ADCY9: variants seen among roughly 807,000 people sequenced by gnomAD.
ADCY9 encodes the protein adenylate cyclase 9.
In ADCY9, 50 loss-of-function variants were observed where a neutral mutation model predicts 101.5. The observed-to-expected ratio is 0.49, with a 90% CI of 0.39 to 0.62. The LOEUF (loss-of-function observed/expected upper bound fraction) is 0.62. ADCY9 is among the 20% of genes least tolerant of loss of function. The pLI is 0.00. For missense variants in ADCY9, 1,662 were observed against 1,800.4 expected (o/e 0.92, Z 1.39); for synonymous variants, 905 against 769.3 (o/e 1.18, Z -2.92).
chr16:4,014,047 G>A (rs1487464506), intron 2 of ADCY9, among the ~76,000 whole-genome samples: 2 of 152,130 alleles, frequency 1.3e-5, no homozygotes, highest in Non-Finnish European at 2.9e-5. Flanking sequence ...GGTCAGGCGC[G>A]GTAGCTCACT....
In ADCY9 at chr16:4,035,752, A is replaced by C. The variant is rs187156162; in HGVS notation, c.1694-28194T>G. Among the ~76,000 whole-genome samples the C allele has an allele frequency of 1.3e-3, 191 of 152,122 alleles. 1 individual carries two copies. Among genetic ancestry groups the C allele is most frequent in the Admixed American group, 4.5e-3 (68 of 15,270 alleles). On this transcript the variant is annotated intron_variant, in intron 2 of 10. Transcript: ENST00000294016. The stretch of plus-strand genomic sequence containing the variant: ...GGTGGCTCACACCTGGAATCCCAGC[A>C]CTTTGGGATGCCGAGGCAGGCGGAT...
intron 2 of ADCY9, among the ~76,000 whole-genome samples, chr16:4,029,744 C>G (rs920866772): frequency 6.6e-6 from 1 of 151,942 alleles, no homozygotes; most frequent in Non-Finnish European, 1.5e-5. Context: ...GACTCTGTCT[C>G]AAGACAATAC....
In ADCY9 at chr16:4,087,543, T is replaced by TAA. The variant is rs55706713; in HGVS notation, c.1693+26205_1693+26206dup. Among the ~76,000 whole-genome samples the TAA allele has an allele frequency of 6.9e-3, 816 of 118,122 alleles. 6 individuals are homozygous for TAA. The highest frequency in any genetic ancestry group is 0.015 in the East Asian group (61 of 4,198). 77.5% of individuals were successfully genotyped at this position (118,122 alleles called of 152,430 possible). ...AGAGCGAGATTCCATCTCAAAAAGA[T>TAA]AAAAAAAAAAAAAAAAAAAAGAAGA... On this transcript the variant is annotated intron_variant, in intron 2 of 10. Coordinates refer to ENST00000294016, the MANE Select transcript of ADCY9 (RefSeq NM_001116.4).
chr16:4,005,054 A>G (rs954369440), intron 3 of ADCY9, among the ~76,000 whole-genome samples: 1 of 152,176 alleles, frequency 6.6e-6, no homozygotes, highest in African/African-American at 2.4e-5. Context: ...CAGCTTGAAA[A>G]AAAACAATTG....
rs1334785327 is a variant in ADCY9, at chr16:4,114,544, A to T, written c.899T>A (p.Val300Asp). Residue 300 changes from valine to aspartate, a missense_variant, in exon 2 of 11, where the codon GTC becomes GAC. By Grantham distance (152) the Val-to-Asp change is radical. Coordinates refer to ENST00000294016, the MANE Select transcript of ADCY9 (RefSeq NM_001116.4). The surrounding 1 kb of genome is among the most constrained non-coding windows in gnomAD (Gnocchi z 4.3). Reference protein sequence around the residue: ...CIHAIGVHLFVMSQVRSRSTF... With the variant: ...CIHAIGVHLFDMSQVRSRSTF... ...GCTCCTGGACCTCACCTGGGACATGACGAACAGGTGGACCCCGATGGCGTG... is the reference window on the plus strand; with the variant it reads ...GCTCCTGGACCTCACCTGGGACATGTCGAACAGGTGGACCCCGATGGCGTG... 6.2e-7 allele frequency: 1 copy of T among 1,614,106 alleles called. No homozygotes were observed. The highest frequency in any genetic ancestry group is 8.5e-7 in the Non-Finnish European group (1 of 1,180,018).
intron 2 of ADCY9, among the ~76,000 whole-genome samples, chr16:4,070,708 G>A (rs1224258249): frequency 6.6e-6 from 1 of 152,064 alleles, no homozygotes; most frequent in Non-Finnish European, 1.5e-5. Context: ...CACTTTGGGA[G>A]GCCGAGGCAG....
At chr16:3,983,496 G>T in intron 6 of ADCY9, 56 bp from the exon 7 acceptor site, 1 of 1,452,878 alleles carries the variant, frequency 6.9e-7, no homozygotes, top group Non-Finnish European at 9.5e-7. Flanking sequence ...GGCCAGGAGC[G>T]CAGTTCAGAT....
At chr16:3,996,651 T>C (rs2056289177) in intron 3 of ADCY9, among the ~76,000 whole-genome samples, 1 of 152,188 alleles carries the variant, frequency 6.6e-6, no homozygotes, top group Non-Finnish European at 1.5e-5. Context: ...AAGTGCGTGC[T>C]CAGTAAATGC....
At chr16:4,112,252 A>T (rs2057118479) in intron 2 of ADCY9, among the ~76,000 whole-genome samples, 1 of 152,238 alleles carries the variant, frequency 6.6e-6, no homozygotes, top group Non-Finnish European at 1.5e-5. Context: ...AGCATCTTTC[A>T]AGTGAACAGA....
At chr16:4,065,156 G>A (rs775216100) in intron 2 of ADCY9, among the ~76,000 whole-genome samples, 12 of 152,242 alleles carry the variant, frequency 7.9e-5, no homozygotes, top group East Asian at 5.8e-4. Flanking sequence ...CCCCTCTCTC[G>A]TCATGTCGTT....
chr16:4,000,481 G>C (rs1228506648), intron 3 of ADCY9, among the ~76,000 whole-genome samples: 1 of 152,160 alleles, frequency 6.6e-6, no homozygotes, highest in African/African-American at 2.4e-5. Flanking sequence ...GTACAAAATA[G>C]AGTATTTCTG....
At chr16:4,113,484 C>T (rs1426661294) in intron 2 of ADCY9, among the ~76,000 whole-genome samples, 1 of 152,176 alleles carries the variant, frequency 6.6e-6, no homozygotes, top group African/African-American at 2.4e-5. Flanking sequence ...TTCAGCCAAC[C>T]AGTGGTTATG....
In ADCY9 at chr16:4,036,213, G is replaced by A. The variant is rs371138213; in HGVS notation, c.1694-28655C>T. On this transcript the variant is annotated intron_variant, in intron 2 of 10. Transcript: ENST00000294016. The stretch of plus-strand genomic sequence containing the variant: ...AGCAACCCAGGAGCTGCTGTTTCCC[G>A]TGATCATGTGGTCAACCCTGGTCCT... Among the ~76,000 whole-genome samples the A allele has an allele frequency of 3.9e-4, 59 of 151,938 alleles. No homozygotes were observed. The East Asian group carries it at 0.011, about 28-fold the overall frequency.
chr16:3,960,221 A>G (rs2055930519), downstream of ADCY9, among the ~76,000 whole-genome samples: 1 of 151,906 alleles, frequency 6.6e-6, no homozygotes, highest in South Asian at 2.1e-4. Context: ...GAAATTATAT[A>G]TAAAATCAAA....
At chr16:4,075,857 G>C (rs922321595) in intron 2 of ADCY9, among the ~76,000 whole-genome samples, 8 of 152,052 alleles carry the variant, frequency 5.3e-5, no homozygotes, top group African/African-American at 1.9e-4. Flanking sequence ...AGAGTATCTG[G>C]CTTATTTGGG....
chr16:4,004,487 G>A (rs1358403961), intron 3 of ADCY9, among the ~76,000 whole-genome samples: 1 of 152,180 alleles, frequency 6.6e-6, no homozygotes, highest in Non-Finnish European at 1.5e-5. Context: ...CTTCGTGGGC[G>A]CTGCCCTGGT....
chr16:4,005,430 C>T (rs34041178), intron 3 of ADCY9, among the ~76,000 whole-genome samples: 48,693 of 152,090 alleles, frequency 0.32, 8,829 homozygotes, highest in East Asian at 0.48. Flanking sequence ...TGTCTTGCTA[C>T]GATGACCAGG....
rs150326536 is a variant in ADCY9, at chr16:4,100,737, T to A, written c.1693+13013A>T. Among the ~76,000 whole-genome samples, 10 of 123,542 alleles carry A rather than the reference T, an allele frequency of 8.1e-5. No individual in the cohort carries two copies. The East Asian group carries it at 2.3e-3, about 28-fold the overall frequency. The allele number at this position is 123,542 out of a possible 152,430, so 81.0% of individuals were successfully genotyped here. On this transcript the variant is annotated intron_variant, in intron 2 of 10. Transcript: ENST00000294016. ...CAACCTGGGCAAAGGAGTGAGACTC[T>A]TGTCTCAAAAAAAAAAAAAAAGAAA... is the stretch of plus-strand genomic sequence containing the variant.
At chr16:3,986,808 G>A (rs2056197037) in intron 6 of ADCY9, among the ~76,000 whole-genome samples, 1 of 152,226 alleles carries the variant, frequency 6.6e-6, no homozygotes, top group African/African-American at 2.4e-5. Flanking sequence ...ATGTTGCCCA[G>A]GCTGGTCTAT....
Sources: gnomAD v4.1 joint callset for allele counts (sites outside exome capture counted in the v4.1 genomes callset) on GRCh38, gnomAD v4.1.1 for gene constraint, Gnocchi (gnomAD v3.1) non-coding constraint, MANE v1.5 for transcripts, NCBI Gene and HGNC (gene_info 2026-07-23, HGNC 2026-07-21) for gene names.